Variants in SCRG1 observed in about 807,000 individuals in gnomAD.
SCRG1 encodes scrapie-responsive protein 1.
In SCRG1, 3 loss-of-function variants were observed where a neutral mutation model predicts 7.7. That is an observed-to-expected ratio of 0.39 (90% confidence interval 0.18 to 1.01). The LOEUF (loss-of-function observed/expected upper bound fraction) is 1.01. Among genes scored for constraint, SCRG1 ranks in the 50% least tolerant of loss-of-function variants. The pLI is 0.36. For missense variants in SCRG1, 110 were observed against 117.2 expected (o/e 0.94, Z 0.28); for synonymous variants, 46 against 41.2 (o/e 1.12, Z -0.44).
the SCRG1 span, among the ~76,000 whole-genome samples, chr4:173,497,323 C>T: frequency 6.6e-6 from 1 of 152,164 alleles, no homozygotes; most frequent in East Asian, 1.9e-4. Flanking sequence ...CACTGCCTCA[C>T]TGCCTACCTA....
intron 1 of SCRG1, among the ~76,000 whole-genome samples, chr4:173,393,713 A>G (rs911105297): frequency 6.6e-6 from 1 of 152,006 alleles, no homozygotes; most frequent in Non-Finnish European, 1.5e-5. Flanking sequence ...CTAAAAGTGG[A>G]GTATTGCAGT....
rs1458068810 is a variant in SCRG1 at position 173,386,348 on chromosome 4, C to T, written c.*1993G>A. 1 of 149,770 alleles carries T rather than the reference C, an allele frequency of 6.7e-6. No homozygotes were observed. Among genetic ancestry groups the T allele is most frequent in the African/African-American group, 2.5e-5 (1 of 40,348 alleles). 9.3% of individuals were successfully genotyped at this position (149,770 alleles called of 1,614,324 possible). On this transcript the variant is annotated 3_prime_UTR_variant, in exon 3 of 3. Coordinates refer to ENST00000296506, the MANE Select transcript of SCRG1 (RefSeq NM_007281.4). ...TATTTTTAGTAGAGACGAGGTTTCA[C>T]CGTATTAGCCAGGATGGTCTTGATC... is the stretch of plus-strand genomic sequence containing the variant.
intron 1 of SCRG1, among the ~76,000 whole-genome samples, chr4:173,395,644 T>C (rs1739583171): frequency 6.6e-6 from 1 of 152,220 alleles, no homozygotes; most frequent in South Asian, 2.1e-4. Context: ...AATACTACTC[T>C]CATAGCTCCC....
At chr4:173,399,952 T>A (rs1007824800), upstream of SCRG1, among the ~76,000 whole-genome samples, 1 of 152,154 alleles carries the variant, frequency 6.6e-6, no homozygotes, top group African/African-American at 2.4e-5. Flanking sequence ...CTTCGGAGAT[T>A]ATAGGTGGTT....
At chr4:173,460,148 TA>T in the SCRG1 span, among the ~76,000 whole-genome samples, 1 of 152,176 alleles carries the variant, frequency 6.6e-6, no homozygotes, top group Admixed American at 6.5e-5. Flanking sequence ...CACTCATAAG[TA>T]CCTGGTTTTA....
the SCRG1 span, among the ~76,000 whole-genome samples, chr4:173,476,363 A>ATATATATATATAT: frequency 1.0e-5 from 1 of 98,482 alleles, no homozygotes; most frequent in African/African-American, 3.1e-5. Flanking sequence ...GGAAAAAAAA[A>ATATATATATATAT]ATATATATAT....
At chr4:173,414,912 A>G in the SCRG1 span, among the ~76,000 whole-genome samples, 8 of 152,146 alleles carry the variant, frequency 5.3e-5, no homozygotes, top group African/African-American at 1.9e-4. Flanking sequence ...GCTATAGGAC[A>G]CTTGTTCACT....
chr4:173,416,879 C>T, the SCRG1 span, among the ~76,000 whole-genome samples: 1 of 150,368 alleles, frequency 6.7e-6, no homozygotes, highest in Non-Finnish European at 1.5e-5. Flanking sequence ...TAGAACTCTC[C>T]GGATTTCATC....
the SCRG1 span, among the ~76,000 whole-genome samples, chr4:173,513,669 T>A: frequency 2.0e-5 from 3 of 152,242 alleles, no homozygotes; most frequent in Non-Finnish European, 4.4e-5. Flanking sequence ...ATCTCACACC[T>A]TGCCCAAATT....
At chr4:173,480,997 T>C in the SCRG1 span, among the ~76,000 whole-genome samples, 1 of 152,204 alleles carries the variant, frequency 6.6e-6, no homozygotes, top group African/African-American at 2.4e-5. Context: ...CTAATGAAAA[T>C]CAGGTGTTTC....
chr4:173,472,818 T>G, the SCRG1 span, among the ~76,000 whole-genome samples: 3 of 152,300 alleles, frequency 2.0e-5, no homozygotes, highest in East Asian at 5.8e-4. Flanking sequence ...CAGGGTAATG[T>G]TTGACCAAAT....
chr4:173,410,428 G>A (rs745772731), upstream of SCRG1, among the ~76,000 whole-genome samples: 7 of 152,218 alleles, frequency 4.6e-5, no homozygotes, highest in Non-Finnish European at 1.0e-4. Context: ...AAGCCTGATG[G>A]AATCAGTTTT....
intron 1 of SCRG1, among the ~76,000 whole-genome samples, chr4:173,397,895 A>G (rs1424591246): frequency 6.6e-6 from 1 of 152,232 alleles, no homozygotes; most frequent in African/African-American, 2.4e-5. Flanking sequence ...CTTTCAAAAA[A>G]GCAGCAAGAG....
the SCRG1 span, among the ~76,000 whole-genome samples, chr4:173,458,117 T>C: frequency 6.6e-6 from 1 of 152,134 alleles, no homozygotes; most frequent in Non-Finnish European, 1.5e-5. Context: ...GCCCTCAGGG[T>C]ACCCAGGACT....
At chr4:173,487,830 T>G in the SCRG1 span, among the ~76,000 whole-genome samples, 12 of 152,068 alleles carry the variant, frequency 7.9e-5, no homozygotes, top group African/African-American at 2.9e-4. Context: ...TGGCTGGGCA[T>G]GGTGGCTCAT....
chr4:173,450,454 T>C, the SCRG1 span, among the ~76,000 whole-genome samples: 1 of 152,182 alleles, frequency 6.6e-6, no homozygotes, highest in East Asian at 1.9e-4. Context: ...TTAGAGAGCC[T>C]TTCTGTGCTA....
At chr4:173,407,434 C>G (rs1739938562), upstream of SCRG1, among the ~76,000 whole-genome samples, 1 of 151,262 alleles carries the variant, frequency 6.6e-6, no homozygotes, top group Non-Finnish European at 1.5e-5. Context: ...ACTGGAGAGG[C>G]TGAGGCAGAA....
the SCRG1 span, among the ~76,000 whole-genome samples, chr4:173,477,762 C>CCTTCCTTCCTTT: frequency 1.4e-5 from 2 of 141,796 alleles, no homozygotes; most frequent in African/African-American, 5.2e-5. Context: ...TTCCTTCCTT[C>CCTTCCTTCCTTT]CTTCCTTCTT....
chr4:173,480,967 A>C, the SCRG1 span, among the ~76,000 whole-genome samples: 2 of 152,118 alleles, frequency 1.3e-5, no homozygotes, highest in South Asian at 4.1e-4. Flanking sequence ...AAGGAAAAAA[A>C]CCTTAGCTTT....
Sources: allele counts gnomAD v4.1 joint callset (sites outside exome capture counted in the v4.1 genomes callset), GRCh38; gene constraint gnomAD v4.1.1; transcripts MANE v1.5; gene names NCBI Gene and HGNC (gene_info 2026-07-23, HGNC 2026-07-21).